The following POMP variants were observed in gnomAD, a reference collection of about 807,000 sequenced individuals.
POMP encodes the protein 2510048O06Rik.
Under a neutral mutation model 20.6 loss-of-function variants are expected in POMP, and 12 were observed. The observed-to-expected ratio is 0.58, with a 90% CI of 0.37 to 0.94. The LOEUF is 0.94. Ranked by LOEUF, POMP falls within the 40% of genes least tolerant of loss-of-function variation. The probability of loss-of-function intolerance (pLI) is 0.01; values close to 1 mark genes in which losing one functional copy is unlikely to be tolerated. For missense variants in POMP, 136 were observed against 161.1 expected (o/e 0.84, Z 0.84); for synonymous variants, 53 against 55.0 (o/e 0.96, Z 0.16).
In POMP at chr13:28,659,203, G is replaced by A. The variant is rs766243253; in HGVS notation, c.3+16G>A. 3 of 1,588,106 alleles carry A rather than the reference G, an allele frequency of 1.9e-6. No individual in the cohort carries two copies. Among genetic ancestry groups the A allele is most frequent in the Admixed American group, 3.5e-5 (2 of 56,444 alleles). Reference sequence around the variant, plus strand: ...GCGGAAGATGGTGAGTGGGTACCCGGGCGGCTGGAGTTCCACGCGGGCTCG... The same window carrying A: ...GCGGAAGATGGTGAGTGGGTACCCGAGCGGCTGGAGTTCCACGCGGGCTCG... On this transcript the variant is annotated intron_variant, in intron 1 of 5. Transcript: ENST00000380842.
In POMP at chr13:28,659,157, A is replaced by G. The variant is rs747751391; in HGVS notation, c.-28A>G. 52 of 1,580,652 alleles carry G rather than the reference A, an allele frequency of 3.3e-5. No individual in the cohort carries two copies. In the South Asian group the frequency reaches 3.6e-4, roughly 11 times the overall value. On this transcript the variant is annotated 5_prime_UTR_variant, in exon 1 of 6. Coordinates refer to ENST00000380842, the MANE Select transcript of POMP (RefSeq NM_015932.6). ...CGGGGTCGACTGACGGTAACGGGGC[A>G]GAGAGGCTGTTCGCAGAGCTGCGGA...
chr13:28,669,324 A>G (rs1884501985), intron 4 of POMP, among the ~76,000 whole-genome samples: 1 of 152,128 alleles, frequency 6.6e-6, no homozygotes, highest in African/African-American at 2.4e-5. Flanking sequence ...TCCCTGTAGT[A>G]TTTGACACTA....
At chr13:28,667,132 G>C (rs1225763000) in intron 3 of POMP, among the ~76,000 whole-genome samples, 1 of 152,114 alleles carries the variant, frequency 6.6e-6, no homozygotes, top group Non-Finnish European at 1.5e-5. Flanking sequence ...TTTTGCACAC[G>C]GTTGCTAACT....
chr13:28,662,010 A>AT (rs1241747362), intron 1 of POMP, among the ~76,000 whole-genome samples: 2 of 152,088 alleles, frequency 1.3e-5, no homozygotes, highest in African/African-American at 4.8e-5. Context: ...TAAAACCCAT[A>AT]TTTCTTTGCA....
Position 28,659,152 on chromosome 13 carries a change from G to A in POMP, c.-33G>A, listed in dbSNP as rs550484205. On this transcript the variant is annotated 5_prime_UTR_variant, in exon 1 of 6. Coordinates refer to ENST00000380842, the MANE Select transcript of POMP (RefSeq NM_015932.6). ...AGCGGCGGGGTCGACTGACGGTAAC[G>A]GGGCAGAGAGGCTGTTCGCAGAGCT... 2 of 1,579,126 alleles carry A rather than the reference G, an allele frequency of 1.3e-6. No individual in the cohort carries two copies. Among genetic ancestry groups the A allele is most frequent in the South Asian group, 1.2e-5 (1 of 86,662 alleles).
At chr13:28,673,422 A>C (rs570854547) in intron 5 of POMP, among the ~76,000 whole-genome samples, 20 of 152,362 alleles carry the variant, frequency 1.3e-4, no homozygotes, top group African/African-American at 4.8e-4. Flanking sequence ...AATTTAAGTA[A>C]GAACAATATA....
chr13:28,659,257 C>G (rs574091904), intron 1 of POMP, 70 bp downstream of exon 1: 13 of 1,552,798 alleles, frequency 8.4e-6, no homozygotes, highest in Non-Finnish European at 1.0e-5. Flanking sequence ...AACAGGCAGT[C>G]GCCTCCCAAC....
In POMP at chr13:28,678,348, G is replaced by T; in HGVS notation, c.*246G>T. On this transcript the variant is annotated 3_prime_UTR_variant, in exon 6 of 6. Transcript: ENST00000380842. ...AGTAGCCTTTGTCTTTAAAAAAGTT[G>T]TTGCTCATGAATATTATAAAATGAT... The T allele has an allele frequency of 2.2e-6, 1 of 460,224 alleles. No individual in the cohort carries two copies. 28.5% of individuals were successfully genotyped at this position (460,224 alleles called of 1,614,324 possible).
chr13:28,660,256 A>G (rs1440103569), intron 1 of POMP, among the ~76,000 whole-genome samples: 2 of 152,226 alleles, frequency 1.3e-5, no homozygotes, highest in East Asian at 1.9e-4. Context: ...TGGTTCAACA[A>G]TCTTCTGACT....
rs557999983 is a variant in POMP at position 28,670,981 on chromosome 13, A to G, written c.265-1358A>G. ...AGAATTGCCTGAACCCAGGAGACAG[A>G]GGTTGCAGTGAGCCAAAATCACACC... On this transcript the variant is annotated intron_variant, in intron 4 of 5. Coordinates refer to ENST00000380842, the MANE Select transcript of POMP (RefSeq NM_015932.6). 9.3e-4 allele frequency among the ~76,000 whole-genome samples: 142 copies of G among 152,316 alleles called. 1 individual carries two copies. The highest frequency in any genetic ancestry group is 3.2e-3 in the African/African-American group (135 of 41,566).
At chr13:28,670,834 G>C (rs1245399823) in intron 4 of POMP, among the ~76,000 whole-genome samples, 1 of 152,136 alleles carries the variant, frequency 6.6e-6, no homozygotes, top group Non-Finnish European at 1.5e-5. Context: ...ATCACCTGAG[G>C]TCAGGAGTTC....
At chr13:28,660,951 G>A (rs910345163) in intron 1 of POMP, among the ~76,000 whole-genome samples, 1 of 152,186 alleles carries the variant, frequency 6.6e-6, no homozygotes. Flanking sequence ...ATGTGTGATA[G>A]GCTGGGCTGG....
intron 4 of POMP, among the ~76,000 whole-genome samples, chr13:28,669,507 C>T (rs935394205): frequency 1.3e-5 from 2 of 152,164 alleles, no homozygotes; most frequent in Non-Finnish European, 2.9e-5. Context: ...TCCTGAGTAG[C>T]AGGGACTACA....
At chr13:28,673,026 A>G (rs936552714) in intron 5 of POMP, among the ~76,000 whole-genome samples, 4 of 149,716 alleles carry the variant, frequency 2.7e-5, no homozygotes, top group African/African-American at 9.8e-5. Flanking sequence ...CAAAAAAGTA[A>G]TTTTTGTACT....
chr13:28,666,785 A>G (rs1212160440), intron 3 of POMP, among the ~76,000 whole-genome samples: 1 of 152,204 alleles, frequency 6.6e-6, no homozygotes, highest in African/African-American at 2.4e-5. Flanking sequence ...GTGATGGAAG[A>G]TGGCCATCAT....
intron 1 of POMP, among the ~76,000 whole-genome samples, chr13:28,661,222 G>T (rs560868471): frequency 5.5e-4 from 83 of 152,258 alleles, no homozygotes; most frequent in Non-Finnish European, 1.1e-3. Context: ...CAGCACTTTG[G>T]GGGGTGCTGA....
At position 28,668,541 on chromosome 13, in the gene POMP, A is replaced by G; in HGVS notation, c.231A>G (p.Leu77=). The part of the protein sequence containing the change: ...LRNIQGLFAP[L]KLQMEFKAVQ... ...ACATTCAGGGTCTATTTGCTCCGCT[A>G]AAATTACAGATGGAATTCAAGGCAG... is the stretch of plus-strand genomic sequence containing the variant. Residue 77 remains leucine, a synonymous_variant, in exon 4 of 6, where the codon CTA becomes CTG. Coordinates refer to ENST00000380842, the MANE Select transcript of POMP (RefSeq NM_015932.6). The G allele has an allele frequency of 6.2e-7, 1 of 1,612,076 alleles. No individual in the cohort carries two copies. The highest frequency in any genetic ancestry group is 8.5e-7 in the Non-Finnish European group (1 of 1,178,182).
At chr13:28,668,597 C>T in intron 4 of POMP, 23 bp downstream of exon 4, 3 of 1,502,132 alleles carry the variant, frequency 2.0e-6, no homozygotes, top group Admixed American at 1.7e-5. Flanking sequence ...ATCTCTGTTG[C>T]ATATGTGTCG....
chr13:28,666,280 C>T (rs1281199414), intron 3 of POMP, among the ~76,000 whole-genome samples: 4 of 152,106 alleles, frequency 2.6e-5, no homozygotes, highest in South Asian at 2.1e-4. Flanking sequence ...CAGCAGATTA[C>T]GTTAGTTACT....
Sources: gnomAD v4.1 joint callset for allele counts (sites outside exome capture counted in the v4.1 genomes callset) on GRCh38, gnomAD v4.1.1 for gene constraint, MANE v1.5 for transcripts, NCBI Gene and HGNC (gene_info 2026-07-23, HGNC 2026-07-21) for gene names.